Variants in PDE4B observed in about 807,000 individuals in gnomAD.
PDE4B encodes 3',5'-cyclic-AMP phosphodiesterase 4B.
A neutral mutation model predicts 82.2 loss-of-function variants in PDE4B; 20 were observed. That is an observed-to-expected ratio of 0.24 (90% CI 0.17 to 0.35). The LOEUF (loss-of-function observed/expected upper bound fraction) is 0.35. Among genes scored for constraint, PDE4B ranks in the 10% least tolerant of loss-of-function variants. The pLI is 1.00. For missense variants in PDE4B, 655 were observed against 907.2 expected, an observed-to-expected ratio of 0.72 and a Z score of 3.57; for synonymous variants, 320 against 318.9, an observed-to-expected ratio of 1.00 and a Z score of -0.04.
chr1:66,359,353 G>C (rs1040562043), intron 9 of PDE4B, among the ~76,000 whole-genome samples: 1 of 152,162 alleles, frequency 6.6e-6, no homozygotes, highest in Non-Finnish European at 1.5e-5. Flanking sequence ...ACTGTATTCT[G>C]ACTATTCCAT....
At chr1:65,848,296 G>A (rs914968750) in intron 1 of PDE4B, among the ~76,000 whole-genome samples, 4 of 151,904 alleles carry the variant, frequency 2.6e-5, no homozygotes, top group Non-Finnish European at 5.9e-5. Flanking sequence ...GTGCCACCAC[G>A]CATGGCTAAT....
At chr1:66,342,502 GA>G (rs1397364964) in intron 8 of PDE4B, among the ~76,000 whole-genome samples, 2 of 149,622 alleles carry the variant, frequency 1.3e-5, no homozygotes, top group Non-Finnish European at 3.0e-5. Context: ...TTGATGTCAG[GA>G]GTTTGAGACC....
chr1:66,317,412 G>A (rs1032009994), intron 7 of PDE4B, among the ~76,000 whole-genome samples: 1 of 152,120 alleles, frequency 6.6e-6, no homozygotes, highest in Non-Finnish European at 1.5e-5. Flanking sequence ...AAGTCTTTAG[G>A]AGGAAGGGCT....
intron 3 of PDE4B, among the ~76,000 whole-genome samples, chr1:66,075,890 TAAACAAAACA>T (rs755561830): frequency 3.2e-5 from 3 of 92,904 alleles, no homozygotes; most frequent in Admixed American, 1.1e-4. Context: ...CATTCACATT[TAAACAAAACA>T]AAACAAAACA....
intron 3 of PDE4B, among the ~76,000 whole-genome samples, chr1:66,155,709 T>C (rs936042204): frequency 6.6e-6 from 1 of 152,054 alleles, no homozygotes; most frequent in Non-Finnish European, 1.5e-5. Context: ...AATACCATCA[T>C]GAGAAAACAC....
At chr1:65,926,799 A>AC (rs1465910582) in intron 3 of PDE4B, among the ~76,000 whole-genome samples, 3 of 151,830 alleles carry the variant, frequency 2.0e-5, no homozygotes, top group African/African-American at 7.3e-5. Flanking sequence ...ACACACACAC[A>AC]CACCCCTTAG....
chr1:66,169,414 C>G (rs1340892106), intron 3 of PDE4B, among the ~76,000 whole-genome samples: 2 of 152,204 alleles, frequency 1.3e-5, no homozygotes, highest in African/African-American at 4.8e-5. Context: ...TCCAGTCACA[C>G]TGTTATTTCT....
chr1:66,002,488 C>A (rs1651919489), intron 3 of PDE4B, among the ~76,000 whole-genome samples: 1 of 151,916 alleles, frequency 6.6e-6, no homozygotes. Context: ...GTTTTCATTT[C>A]TTAAAATGGT....
At chr1:66,031,447 A>G (rs1570034088) in intron 3 of PDE4B, among the ~76,000 whole-genome samples, 1 of 152,154 alleles carries the variant, frequency 6.6e-6, no homozygotes, top group East Asian at 1.9e-4. Flanking sequence ...AAAATACAAA[A>G]TCCAGTTTAC....
chr1:66,223,771 C>CAA (rs966194287), intron 3 of PDE4B, among the ~76,000 whole-genome samples: 2 of 152,050 alleles, frequency 1.3e-5, no homozygotes, highest in African/African-American at 4.8e-5. Flanking sequence ...CTACCTTTCT[C>CAA]AAAAACCTTG....
rs146116115 is a variant in PDE4B at position 65,975,777 on chromosome 1, C to T, written c.281+56942C>T. Among the ~76,000 whole-genome samples the T allele has an allele frequency of 3.1e-3, 466 of 152,294 alleles. 2 individuals are homozygous for T. The highest frequency in any genetic ancestry group is 0.01 in the African/African-American group (426 of 41,566). On this transcript the variant is annotated intron_variant, in intron 3 of 16. Transcript: ENST00000341517. Reference sequence around the variant, plus strand: ...TGCTTCAGGGGGAGTAAGCCCCAAGCCTTGGTGGCTTCCATCTGGTGTTGG... The same window carrying T: ...TGCTTCAGGGGGAGTAAGCCCCAAGTCTTGGTGGCTTCCATCTGGTGTTGG...
At chr1:65,851,407 G>A (rs1335921490) in intron 1 of PDE4B, among the ~76,000 whole-genome samples, 2 of 151,786 alleles carry the variant, frequency 1.3e-5, no homozygotes, top group Non-Finnish European at 2.9e-5. Context: ...GGATTAAGTT[G>A]ACTCTATAGA....
At chr1:65,972,035 T>C (rs138207980) in intron 3 of PDE4B, among the ~76,000 whole-genome samples, 14 of 152,338 alleles carry the variant, frequency 9.2e-5, no homozygotes, top group African/African-American at 3.4e-4. Flanking sequence ...TGAAATAACA[T>C]CATTTTTCCT....
At chr1:66,178,613 T>C (rs2101384725) in intron 3 of PDE4B, among the ~76,000 whole-genome samples, 1 of 152,334 alleles carries the variant, frequency 6.6e-6, no homozygotes, top group Non-Finnish European at 1.5e-5. Flanking sequence ...TATCCAGAGC[T>C]ATTTGGTGCT....
At chr1:65,881,505 A>C (rs1026237021) in intron 1 of PDE4B, among the ~76,000 whole-genome samples, 1 of 152,138 alleles carries the variant, frequency 6.6e-6, no homozygotes, top group African/African-American at 2.4e-5. Flanking sequence ...AATTTTCTGG[A>C]ATGCTTACCT....
chr1:66,257,296 T>G, intron 4 of PDE4B: 1 of 397,268 alleles, frequency 2.5e-6, no homozygotes, highest in South Asian at 2.3e-5. Context: ...TGAGCAGCCC[T>G]CCCTTTGAAT....
chr1:66,295,244 C>T (rs377435260), intron 7 of PDE4B, among the ~76,000 whole-genome samples: 1 of 152,014 alleles, frequency 6.6e-6, no homozygotes, highest in Non-Finnish European at 1.5e-5. Context: ...GGGACAGGCC[C>T]TTGGTAGGGG....
intron 6 of PDE4B, among the ~76,000 whole-genome samples, chr1:66,265,023 C>A (rs1016704368): frequency 1.4e-4 from 21 of 152,212 alleles, no homozygotes; most frequent in African/African-American, 4.8e-4. Flanking sequence ...TTGCTCATTG[C>A]AAATGTCCTG....
chr1:66,037,305 T>C (rs1570050093), intron 3 of PDE4B, among the ~76,000 whole-genome samples: 2 of 152,240 alleles, frequency 1.3e-5, no homozygotes, highest in East Asian at 3.9e-4. Context: ...CAATGTTTTA[T>C]AGTTTTCAGT....
Sources: allele counts gnomAD v4.1 joint callset (sites outside exome capture counted in the v4.1 genomes callset), GRCh38; gene constraint gnomAD v4.1.1; transcripts MANE v1.5; gene names NCBI Gene and HGNC (gene_info 2026-07-23, HGNC 2026-07-21).